The following KIF20B variants were observed in gnomAD, a reference collection of about 807,000 sequenced individuals.
The protein encoded by KIF20B is kinesin-like protein KIF20B.
Under a neutral mutation model 232.5 loss-of-function variants are expected in KIF20B, and 188 were observed. The observed-to-expected ratio is 0.81, with a 90% CI of 0.72 to 0.91. The LOEUF is 0.91. Ranked by LOEUF, KIF20B falls within the 40% of genes least tolerant of loss-of-function variation. The probability of loss-of-function intolerance (pLI) is 0.00; values close to 1 mark genes in which losing one functional copy is unlikely to be tolerated. For synonymous variants in KIF20B, 712 were observed against 683.0 expected (o/e 1.04, Z -0.66); for missense variants, 2,154 against 2,055.9 (o/e 1.05, Z -0.92).
chr10:89,730,881 G>A (rs80174540), intron 18 of KIF20B, among the ~76,000 whole-genome samples: 4,078 of 152,208 alleles, frequency 0.027, 360 homozygotes, highest in East Asian at 0.27. Context: ...TTGGAAGATA[G>A]GATTGAGATG....
chr10:89,729,167 A>G lies in KIF20B; in HGVS notation c.2311A>G (p.Asn771Asp), dbSNP rs116288233. ...GAATCAAAGAATTAAAGAATTGATAAATATAATTGATCAAAAAGAAGATAC... is the reference window on the plus strand; with the variant it reads ...GAATCAAAGAATTAAAGAATTGATAGATATAATTGATCAAAAAGAAGATAC... ...TQNQRIKELI[N>D]IIDQKEDTIN... The change falls in exon 18 of 33, where the codon AAT (asparagine) becomes GAT (aspartate). Residue 771 changes from asparagine (N) to aspartate (D), a missense_variant. By Grantham distance (23) the Asn-to-Asp change is conservative (BLOSUM62 1). Transcript: ENST00000371728. 759 of 1,460,044 alleles carry G rather than the reference A, an allele frequency of 5.2e-4. 6 individuals are homozygous for G. The African/African-American group carries it at 0.01, about 19-fold the overall frequency. The allele number at this position is 1,460,044 out of a possible 1,614,324, so 90.4% of individuals were successfully genotyped here. A position where few individuals can be genotyped will look rare whatever the true frequency, so the allele number is the denominator to read the frequency against.
At chr10:89,725,447 T>G (rs1006912824) in intron 15 of KIF20B, among the ~76,000 whole-genome samples, 4 of 152,148 alleles carry the variant, frequency 2.6e-5, no homozygotes, top group Admixed American at 2.6e-4. Flanking sequence ...AGATTTGTCT[T>G]ACTTAACATT....
At chr10:89,762,564 G>T (rs1358126971) in intron 28 of KIF20B, 74 bp from the exon 29 acceptor site, 1 of 1,136,848 alleles carries the variant, frequency 8.8e-7, no homozygotes, top group East Asian at 2.5e-5. Flanking sequence ...ATAGGCATTT[G>T]AGAGAATTAA....
At chr10:89,703,806 G>A (rs1039486963) in intron 1 of KIF20B, among the ~76,000 whole-genome samples, 6 of 147,656 alleles carry the variant, frequency 4.1e-5, no homozygotes, top group Non-Finnish European at 8.9e-5. Context: ...AGGCTGGAGC[G>A]CAGTGGCGCA....
At chr10:89,744,478 G>A (rs760504411) in intron 22 of KIF20B, among the ~76,000 whole-genome samples, 11 of 152,122 alleles carry the variant, frequency 7.2e-5, no homozygotes, top group Non-Finnish European at 1.5e-4. Flanking sequence ...TTAATTTCTT[G>A]ATTTTTGATA....
At chr10:89,704,283 G>C (rs769086869) in intron 1 of KIF20B, among the ~76,000 whole-genome samples, 2 of 152,144 alleles carry the variant, frequency 1.3e-5, no homozygotes, top group Non-Finnish European at 2.9e-5. Flanking sequence ...TCAAAAAACA[G>C]CACAGAGTCC....
At chr10:89,717,887 A>G (rs925669220) in intron 11 of KIF20B, among the ~76,000 whole-genome samples, 165 bp downstream of exon 11, 1 of 152,236 alleles carries the variant, frequency 6.6e-6, no homozygotes. Context: ...ATTAAAGACA[A>G]TGATAGAAAT....
chr10:89,760,590 C>T lies in KIF20B; in HGVS notation c.4745C>T (p.Thr1582Ile), dbSNP rs1171719423. ...TCAGCAGATCCTGACAAACTTCAAACTGAACCTCTATCGACAAGTTTTGAA... is the reference window on the plus strand; with the variant it reads ...TCAGCAGATCCTGACAAACTTCAAATTGAACCTCTATCGACAAGTTTTGAA... ...ISSADPDKLQ[T>I]EPLSTSFEIS... The change falls in exon 28 of 33, where the codon ACT becomes ATT. Residue 1582 changes from threonine (T) to isoleucine (I), a missense_variant. By Grantham distance (89) the Thr-to-Ile change is moderately conservative (BLOSUM62 -1). Coordinates refer to ENST00000371728, the MANE Select transcript of KIF20B (RefSeq NM_001284259.2). The T allele has an allele frequency of 1.2e-6, 2 of 1,612,884 alleles. No homozygotes were observed. Among genetic ancestry groups the T allele is most frequent in the Admixed American group, 3.3e-5 (2 of 59,918 alleles).
intron 16 of KIF20B, among the ~76,000 whole-genome samples, chr10:89,726,959 C>T (rs994303576): frequency 2.6e-5 from 4 of 151,984 alleles, no homozygotes; most frequent in Non-Finnish European, 5.9e-5. Context: ...GTGTGCACTA[C>T]CACAGCGGCT....
chr10:89,736,622 C>T (rs1010302108), intron 19 of KIF20B, among the ~76,000 whole-genome samples: 6 of 151,918 alleles, frequency 3.9e-5, no homozygotes, highest in African/African-American at 1.4e-4. Context: ...TATCTTTATT[C>T]TAGCAATATA....
At chr10:89,731,970 T>C (rs1843330176) in intron 18 of KIF20B, among the ~76,000 whole-genome samples, 1 of 152,232 alleles carries the variant, frequency 6.6e-6, no homozygotes, top group South Asian at 2.1e-4. Flanking sequence ...CACTCTATCA[T>C]ACACTTTGTT....
In KIF20B at chr10:89,745,914, CAG is replaced by C. The variant is rs755968097; in HGVS notation, c.4053_4054del (p.Lys1352SerfsTer9). 9 of 1,606,996 alleles carry C rather than the reference CAG, an allele frequency of 5.6e-6. No homozygotes were observed. Among genetic ancestry groups the C allele is most frequent in the Middle Eastern group, 1.7e-4 (1 of 6,044 alleles). On this transcript the variant is annotated frameshift_variant, in exon 23 of 33. Coordinates refer to ENST00000371728, the MANE Select transcript of KIF20B (RefSeq NM_001284259.2). LOFTEE classifies it high-confidence loss of function. ...IQQLKEQLNNQKVEEAIQQYE... is the reference protein window; with the variant it reads ...IQQLKEQLNNXKVEEAIQQYE... ...CAATTTGTAGGAGCAGTTAAATAAT[CAG>C]AAAGTGGAAGAAGCTATACAACAGT...
At chr10:89,773,456 G>C (rs893083763) in intron 32 of KIF20B, among the ~76,000 whole-genome samples, 2 of 152,034 alleles carry the variant, frequency 1.3e-5, no homozygotes, top group Non-Finnish European at 2.9e-5. Flanking sequence ...AGAGCTTTCA[G>C]ATATGAGATT....
intron 23 of KIF20B, among the ~76,000 whole-genome samples, chr10:89,747,885 A>C (rs1376823924): frequency 1.4e-5 from 1 of 72,926 alleles, no homozygotes; most frequent in East Asian, 4.7e-4. Context: ...TTAAAGTATA[A>C]TAATAATAAT....
chr10:89,768,219 TTTC>T, intron 29 of KIF20B, 68 bp from the exon 30 acceptor site: 2 of 987,166 alleles, frequency 2.0e-6, no homozygotes. Flanking sequence ...TTTTACAAAT[TTTC>T]TTTTTTGAGT....
At chr10:89,718,048 C>T (rs1229050839) in intron 11 of KIF20B, among the ~76,000 whole-genome samples, 2 of 152,120 alleles carry the variant, frequency 1.3e-5, no homozygotes, top group Non-Finnish European at 2.9e-5. Context: ...GTTCTAGATG[C>T]AATAGATTTT....
In KIF20B at chr10:89,709,221, T is replaced by C; in HGVS notation, c.202T>C (p.Phe68Leu). The C allele has an allele frequency of 6.2e-7, 1 of 1,611,014 alleles. No homozygotes were observed. Among genetic ancestry groups the C allele is most frequent in the Non-Finnish European group, 8.5e-7 (1 of 1,178,052 alleles). Reference protein sequence around the residue: ...YLQVCLRIRPFTQSEKELESE... With the variant: ...YLQVCLRIRPLTQSEKELESE... Reference sequence around the variant, plus strand: ...CCAGGTTTGTCTTCGAATAAGACCATTTACACAGTCAGAAAAAGAACTTGA... The same window carrying C: ...CCAGGTTTGTCTTCGAATAAGACCACTTACACAGTCAGAAAAAGAACTTGA... The change falls in exon 3 of 33, where the codon TTT becomes CTT. Residue 68 changes from phenylalanine (F) to leucine (L), a missense_variant. Coordinates refer to ENST00000371728, the MANE Select transcript of KIF20B (RefSeq NM_001284259.2).
chr10:89,773,342 A>G (rs1212299360), intron 32 of KIF20B, among the ~76,000 whole-genome samples: 1 of 151,996 alleles, frequency 6.6e-6, no homozygotes, highest in Non-Finnish European at 1.5e-5. Flanking sequence ...TCATGCTTGC[A>G]TTTGCTTAGT....
In KIF20B at chr10:89,735,788, T is replaced by A. The variant is rs532705175; in HGVS notation, c.2546-1599T>A. On this transcript the variant is annotated intron_variant, in intron 19 of 32. Coordinates refer to ENST00000371728, the MANE Select transcript of KIF20B (RefSeq NM_001284259.2). The stretch of plus-strand genomic sequence containing the variant: ...CTCCTGACCTCGTGATCCACCCGCC[T>A]CTGCCTCCCAAAGTGCTGGGATTAC... Among the ~76,000 whole-genome samples, 9 of 152,312 alleles carry A rather than the reference T, an allele frequency of 5.9e-5. No individual in the cohort carries two copies. The South Asian group carries it at 1.7e-3, about 28-fold the overall frequency.
Sources: gnomAD v4.1 joint callset for allele counts (sites outside exome capture counted in the v4.1 genomes callset) on GRCh38, gnomAD v4.1.1 for gene constraint, MANE v1.5 for transcripts, NCBI Gene and HGNC (gene_info 2026-07-23, HGNC 2026-07-21) for gene names.